Variants in ACER3 observed in about 807,000 individuals in gnomAD.
The protein encoded by ACER3 is alkCDase 3.
A neutral mutation model predicts 48.9 loss-of-function variants in ACER3; 16 were observed. The ratio of observed to expected loss-of-function variants is 0.33; its 90% CI spans 0.22 to 0.50. The LOEUF (loss-of-function observed/expected upper bound fraction) is 0.50, where lower values mean the gene tolerates loss of function less well. ACER3 is among the 20% of genes least tolerant of loss of function. The pLI is 0.98. For missense variants in ACER3, 227 were observed against 326.0 expected (o/e 0.70, Z 2.34); for synonymous variants, 109 against 107.8 (o/e 1.01, Z -0.07).
intron 7 of ACER3, among the ~76,000 whole-genome samples, chr11:77,011,814 G>C (rs1437373705): frequency 4.6e-5 from 7 of 151,858 alleles, no homozygotes; most frequent in Admixed American, 2.0e-4. Context: ...AATATTAAAA[G>C]GAGAAAAATT....
chr11:76,974,872 T>C (rs186572050), intron 3 of ACER3, among the ~76,000 whole-genome samples: 13 of 152,336 alleles, frequency 8.5e-5, no homozygotes, highest in Admixed American at 4.6e-4. Context: ...ATAATTAACA[T>C]TGATTTATTA....
chr11:77,019,202 T>G (rs1308219034), intron 9 of ACER3, among the ~76,000 whole-genome samples: 2 of 152,236 alleles, frequency 1.3e-5, no homozygotes, highest in African/African-American at 4.8e-5. Flanking sequence ...GGCTCACGCC[T>G]GTAATCCCAG....
At chr11:76,903,384 GCCCAGCATTCAATTTAAC>G (rs1315303015) in intron 1 of ACER3, among the ~76,000 whole-genome samples, 7 of 152,036 alleles carry the variant, frequency 4.6e-5, no homozygotes. Context: ...TAATCACTCT[GCCCAGCATTCAATTTAAC>G]AATGAAATTG....
At chr11:77,012,712 T>C (rs1485933780) in intron 7 of ACER3, among the ~76,000 whole-genome samples, 1 of 152,146 alleles carries the variant, frequency 6.6e-6, no homozygotes, top group Non-Finnish European at 1.5e-5. Flanking sequence ...ATTATAAACT[T>C]CAATATTGTT....
At chr11:77,011,021 G>A (rs1464889188) in intron 7 of ACER3, among the ~76,000 whole-genome samples, 1 of 152,212 alleles carries the variant, frequency 6.6e-6, no homozygotes, top group African/African-American at 2.4e-5. Flanking sequence ...GGACGAGTGC[G>A]TGGGATACAA....
chr11:76,897,798 A>C (rs1945972307), intron 1 of ACER3, among the ~76,000 whole-genome samples: 1 of 152,210 alleles, frequency 6.6e-6, no homozygotes, highest in African/African-American at 2.4e-5. Context: ...TTTACTTGTC[A>C]GTTCATCTTT....
intron 1 of ACER3, among the ~76,000 whole-genome samples, chr11:76,919,443 G>A (rs1946628171): frequency 1.3e-5 from 2 of 152,048 alleles, no homozygotes; most frequent in South Asian, 2.1e-4. Context: ...TTAAGAAATC[G>A]TGAAATTACT....
intron 7 of ACER3, among the ~76,000 whole-genome samples, chr11:77,007,818 G>A (rs1460446499): frequency 4.6e-5 from 7 of 152,306 alleles, no homozygotes; most frequent in South Asian, 4.1e-4. Flanking sequence ...ACCCTGATGA[G>A]CATGGAAGTC....
At chr11:76,997,342 A>G (rs1000184871) in intron 6 of ACER3, among the ~76,000 whole-genome samples, 1 of 152,210 alleles carries the variant, frequency 6.6e-6, no homozygotes, top group African/African-American at 2.4e-5. Flanking sequence ...CCATAGAGTT[A>G]TAATACTATA....
At chr11:76,861,311 G>T (rs1195607354) in intron 1 of ACER3, among the ~76,000 whole-genome samples, 3 of 150,566 alleles carry the variant, frequency 2.0e-5, no homozygotes, top group African/African-American at 7.3e-5. Context: ...CCTGAGGATT[G>T]GGGGGGCAGA....
At chr11:76,994,217 C>T (rs1303558792) in intron 6 of ACER3, 1 of 453,860 alleles carries the variant, frequency 2.2e-6, no homozygotes, top group Non-Finnish European at 4.4e-6. Context: ...TTGGAACCTC[C>T]ACCTCCCAGG....
chr11:76,966,665 G>T (rs11530894), intron 3 of ACER3, among the ~76,000 whole-genome samples: 81,033 of 144,306 alleles, frequency 0.56, 25,641 homozygotes, highest in Non-Finnish European at 0.72. Flanking sequence ...ACTCAAAACT[G>T]CTCAACTACA....
chr11:76,968,189 A>T (rs1948189696), intron 3 of ACER3, among the ~76,000 whole-genome samples: 1 of 151,438 alleles, frequency 6.6e-6, no homozygotes, highest in Admixed American at 6.6e-5. Context: ...ACTCCCATTC[A>T]CAATTGCTTC....
chr11:77,011,263 G>A, intron 7 of ACER3: 1 of 885,886 alleles, frequency 1.1e-6, no homozygotes, highest in South Asian at 5.2e-5. Context: ...ACCATGTGCT[G>A]ATGTTCTTGC....
intron 1 of ACER3, among the ~76,000 whole-genome samples, chr11:76,910,293 A>G (rs982597518): frequency 6.6e-6 from 1 of 152,122 alleles, no homozygotes; most frequent in Non-Finnish European, 1.5e-5. Flanking sequence ...AAAAATTATG[A>G]TTTTCACAGA....
At chr11:76,906,884 T>C (rs1946247181) in intron 1 of ACER3, among the ~76,000 whole-genome samples, 1 of 152,208 alleles carries the variant, frequency 6.6e-6, no homozygotes, top group Non-Finnish European at 1.5e-5. Context: ...CAATAGATTT[T>C]TGTATTCATT....
At chr11:76,979,061 G>A (rs1948517876) in intron 4 of ACER3, among the ~76,000 whole-genome samples, 2 of 152,214 alleles carry the variant, frequency 1.3e-5, no homozygotes, top group African/African-American at 2.4e-5. Flanking sequence ...TGAGCCAAGT[G>A]CAGCCTGCCA....
At chr11:76,992,615 G>A (rs187483176) in intron 6 of ACER3, among the ~76,000 whole-genome samples, 6 of 152,252 alleles carry the variant, frequency 3.9e-5, no homozygotes, top group Non-Finnish European at 7.4e-5. Flanking sequence ...AGAAATAAGG[G>A]AATGCTAGAG....
At chr11:76,997,338 A>G (rs1948936043) in intron 6 of ACER3, among the ~76,000 whole-genome samples, 1 of 152,168 alleles carries the variant, frequency 6.6e-6, no homozygotes, top group African/African-American at 2.4e-5. Flanking sequence ...CCTACCATAG[A>G]GTTATAATAC....
Sources: gnomAD v4.1 joint callset for allele counts (sites outside exome capture counted in the v4.1 genomes callset) on GRCh38, gnomAD v4.1.1 for gene constraint, MANE v1.5 for transcripts, NCBI Gene and HGNC (gene_info 2026-07-23, HGNC 2026-07-21) for gene names.